SHISA9: variants seen among roughly 807,000 people sequenced by gnomAD.
SHISA9 encodes protein shisa-9.
SHISA9 carries 13 observed loss-of-function variants against 38.0 expected under a neutral mutation model. The ratio of observed to expected loss-of-function variants is 0.34; its 90% confidence interval spans 0.22 to 0.54. The LOEUF is 0.54. SHISA9 is among the 20% of genes least tolerant of loss of function. SHISA9 has a pLI of 0.91. For missense variants in SHISA9, 538 were observed against 575.8 expected (o/e 0.93, Z 0.67); for synonymous variants, 275 against 242.0 (o/e 1.14, Z -1.27).
the SHISA9 span, among the ~76,000 whole-genome samples, chr16:13,248,758 G>T: frequency 6.7e-4 from 102 of 152,124 alleles, 1 homozygote; most frequent in Non-Finnish European, 5.3e-4. Flanking sequence ...TTTTGTTGGG[G>T]TCCCCAGAAA....
the SHISA9 span, among the ~76,000 whole-genome samples, chr16:13,530,802 T>C: frequency 6.6e-6 from 1 of 152,178 alleles, no homozygotes; most frequent in Non-Finnish European, 1.5e-5. Flanking sequence ...AAGGGTGACC[T>C]GATTGGTCTG....
intron 2 of SHISA9, among the ~76,000 whole-genome samples, chr16:13,123,669 G>T (rs1023413350): frequency 6.6e-6 from 1 of 152,216 alleles, no homozygotes; most frequent in African/African-American, 2.4e-5. Flanking sequence ...TTGAGATAGT[G>T]AACTTATAAT....
At chr16:13,126,522 G>A (rs1356720370) in intron 2 of SHISA9, among the ~76,000 whole-genome samples, 2 of 149,654 alleles carry the variant, frequency 1.3e-5, no homozygotes, top group African/African-American at 4.9e-5. Flanking sequence ...GGAGAGAGAT[G>A]GAGGGAGAGA....
At chr16:13,007,456 G>A (rs2072613121) in intron 2 of SHISA9, among the ~76,000 whole-genome samples, 2 of 151,962 alleles carry the variant, frequency 1.3e-5, no homozygotes, top group Admixed American at 1.3e-4. Flanking sequence ...TCTTGCCTGT[G>A]GCCGCCATAT....
At chr16:13,557,887 C>T in the SHISA9 span, among the ~76,000 whole-genome samples, 1 of 152,020 alleles carries the variant, frequency 6.6e-6, no homozygotes, top group South Asian at 2.1e-4. Flanking sequence ...AACATGAAAA[C>T]ACACTCCCAC....
intron 2 of SHISA9, among the ~76,000 whole-genome samples, chr16:12,936,676 A>G (rs1343960120): frequency 6.6e-6 from 1 of 152,190 alleles, no homozygotes; most frequent in Non-Finnish European, 1.5e-5. Flanking sequence ...CCCTAAACAC[A>G]AGCCAGTTAC....
chr16:13,048,305 A>G (rs1388074205), intron 2 of SHISA9, among the ~76,000 whole-genome samples: 1 of 152,236 alleles, frequency 6.6e-6, no homozygotes, highest in East Asian at 1.9e-4. Flanking sequence ...GATCATCAGA[A>G]CTTCTGATCA....
the SHISA9 span, among the ~76,000 whole-genome samples, chr16:13,532,050 T>C: frequency 5.9e-5 from 9 of 151,980 alleles, no homozygotes; most frequent in Admixed American, 2.0e-4. Context: ...CTCTAAGGAG[T>C]CTGATGATAA....
the SHISA9 span, among the ~76,000 whole-genome samples, chr16:13,294,396 A>G: frequency 1.3e-5 from 2 of 152,202 alleles, no homozygotes; most frequent in African/African-American, 2.4e-5. Flanking sequence ...TGCTTCGTGT[A>G]TCATTCCTCT....
At chr16:13,497,783 G>C in the SHISA9 span, among the ~76,000 whole-genome samples, 1 of 151,646 alleles carries the variant, frequency 6.6e-6, no homozygotes, top group Admixed American at 6.6e-5. Context: ...TTGACAGACA[G>C]ATACATGAAA....
the SHISA9 span, among the ~76,000 whole-genome samples, chr16:13,330,331 C>T: frequency 6.6e-6 from 1 of 152,276 alleles, no homozygotes; most frequent in East Asian, 1.9e-4. Flanking sequence ...TTTAGATTTT[C>T]ATGTATCTAT....
chr16:13,501,054 G>T, the SHISA9 span, among the ~76,000 whole-genome samples: 1 of 152,128 alleles, frequency 6.6e-6, no homozygotes, highest in East Asian at 1.9e-4. Flanking sequence ...AGTAGAGAGT[G>T]CTCAACAAGG....
the SHISA9 span, among the ~76,000 whole-genome samples, chr16:13,518,457 T>C: frequency 6.6e-6 from 1 of 152,028 alleles, no homozygotes; most frequent in Non-Finnish European, 1.5e-5. Context: ...AAAAACCTCT[T>C]TTTTTGCTAT....
intron 4 of SHISA9, among the ~76,000 whole-genome samples, chr16:13,224,530 CT>C (rs1567255623): frequency 6.6e-6 from 1 of 152,170 alleles, no homozygotes; most frequent in Admixed American, 6.5e-5. Flanking sequence ...CAGTGCTTTC[CT>C]TCTTTCATCA....
At chr16:13,223,602 G>A (rs407593) in intron 4 of SHISA9, among the ~76,000 whole-genome samples, 12,394 of 152,124 alleles carry the variant, frequency 0.081, 759 homozygotes, top group East Asian at 0.28. Context: ...AAACCAACAC[G>A]TTGGTTCTTT....
Position 13,024,597 on chromosome 16 carries a change from A to G in SHISA9, c.691+107782A>G, listed in dbSNP as rs186802783. Among the ~76,000 whole-genome samples, 230 of 152,342 alleles carry G rather than the reference A, an allele frequency of 1.5e-3. 1 individual carries two copies. The highest frequency in any genetic ancestry group is 3.3e-3 in the Admixed American group (51 of 15,302). On this transcript the variant is annotated intron_variant, in intron 2 of 4. Coordinates refer to ENST00000558583, the MANE Select transcript of SHISA9 (RefSeq NM_001145204.3). The stretch of plus-strand genomic sequence containing the variant: ...ATTTTCTGAGAGGCAGTGTACTGTG[A>G]TAGAAAGAGAAAGTTGAAATGCGAG...
the SHISA9 span, among the ~76,000 whole-genome samples, chr16:13,352,876 G>T: frequency 3.9e-5 from 6 of 151,972 alleles, no homozygotes; most frequent in Non-Finnish European, 7.4e-5. Context: ...ATCAGTTAAG[G>T]CAAGGACCGG....
At chr16:12,991,018 C>A (rs1294425775) in intron 2 of SHISA9, among the ~76,000 whole-genome samples, 1 of 152,074 alleles carries the variant, frequency 6.6e-6, no homozygotes, top group Non-Finnish European at 1.5e-5. Flanking sequence ...TCTATTTCAC[C>A]CCAGTCTTGC....
the SHISA9 span, among the ~76,000 whole-genome samples, chr16:13,544,949 A>C: frequency 1.3e-5 from 2 of 152,170 alleles, no homozygotes; most frequent in Non-Finnish European, 2.9e-5. Context: ...TCAAAAAAAA[A>C]CAATAGAAGA....
Sources: allele counts gnomAD v4.1 joint callset (sites outside exome capture counted in the v4.1 genomes callset), GRCh38; gene constraint gnomAD v4.1.1; transcripts MANE v1.5; gene names NCBI Gene and HGNC (gene_info 2026-07-23, HGNC 2026-07-21).